Variants in ANTXR2 observed in about 807,000 individuals in gnomAD.
The protein encoded by ANTXR2 is anthrax toxin receptor 2.
A neutral mutation model predicts 73.7 loss-of-function variants in ANTXR2; 44 were observed. The ratio of observed to expected loss-of-function variants is 0.60; its 90% CI spans 0.47 to 0.77. The LOEUF is 0.77. Ranked by LOEUF, ANTXR2 falls within the 30% of genes least tolerant of loss-of-function variation. ANTXR2 has a pLI of 0.00. For missense variants in ANTXR2, 604 were observed against 592.5 expected, an observed-to-expected ratio of 1.02 and a Z score of -0.20; for synonymous variants, 217 against 205.9, an observed-to-expected ratio of 1.05 and a Z score of -0.46.
At chr4:79,907,573 G>C in intron 16 of ANTXR2, 106 bp from the exon 17 acceptor site, 1 of 1,256,034 alleles carries the variant, frequency 8.0e-7, no homozygotes, top group Non-Finnish European at 1.1e-6. Flanking sequence ...CCCAAGGAAA[G>C]TACCATGTTA....
At chr4:79,984,892 T>A (rs1730053202) in intron 12 of ANTXR2, 29 bp from the exon 13 acceptor site, 1 of 1,541,274 alleles carries the variant, frequency 6.5e-7, no homozygotes. Flanking sequence ...TATAAAAATT[T>A]CTATGGCATA....
At chr4:79,957,594 T>A (rs1034925811) in intron 16 of ANTXR2, among the ~76,000 whole-genome samples, 41 of 152,144 alleles carry the variant, frequency 2.7e-4, no homozygotes, top group African/African-American at 9.6e-4. Context: ...GTGTGCTCTA[T>A]ATTTTCATGA....
intron 12 of ANTXR2, among the ~76,000 whole-genome samples, chr4:79,989,564 C>A (rs1003683477): frequency 6.6e-6 from 1 of 151,980 alleles, no homozygotes; most frequent in South Asian, 2.1e-4. Flanking sequence ...TAGAGAAGAC[C>A]TGGTACCAAT....
chr4:80,025,195 A>T (rs1732369533), intron 10 of ANTXR2, among the ~76,000 whole-genome samples: 1 of 152,230 alleles, frequency 6.6e-6, no homozygotes. Flanking sequence ...GAAATTATTA[A>T]ATAGTACTAT....
chr4:79,955,405 G>A (rs1728851769), intron 16 of ANTXR2, among the ~76,000 whole-genome samples: 1 of 151,928 alleles, frequency 6.6e-6, no homozygotes, highest in Non-Finnish European at 1.5e-5. Context: ...TAGTCTTATA[G>A]TAACTTGTAA....
intron 7 of ANTXR2, among the ~76,000 whole-genome samples, chr4:80,038,522 A>G (rs1733088619): frequency 6.6e-6 from 1 of 152,100 alleles, no homozygotes; most frequent in Non-Finnish European, 1.5e-5. Context: ...ATGATTCAAC[A>G]ATTTATGTTC....
intron 7 of ANTXR2, among the ~76,000 whole-genome samples, chr4:80,040,243 TG>T (rs11295953): frequency 0.16 from 24,237 of 151,856 alleles, 2,904 homozygotes; most frequent in African/African-American, 0.34. Context: ...GTGACAAACC[TG>T]CACAACCTGC....
chr4:80,026,839 T>C lies in ANTXR2; in HGVS notation c.866+4784A>G, dbSNP rs115202386. Among the ~76,000 whole-genome samples the C allele has an allele frequency of 6.3e-3, 954 of 152,256 alleles. 5 individuals are homozygous for C. The highest frequency in any genetic ancestry group is 0.022 in the African/African-American group (897 of 41,548). On this transcript the variant is annotated intron_variant, in intron 10 of 16. Coordinates refer to ENST00000403729, the MANE Select transcript of ANTXR2 (RefSeq NM_058172.6). ...GTATCCTATTTAACATTCCCATACA[T>C]GGTGACATCTTATTAGCCACCCCTC...
At chr4:79,996,253 C>T (rs1385570519) in intron 12 of ANTXR2, among the ~76,000 whole-genome samples, 1 of 151,304 alleles carries the variant, frequency 6.6e-6, no homozygotes, top group East Asian at 2.0e-4. Flanking sequence ...GAAGAAAAAG[C>T]CTATGATTTG....
intron 12 of ANTXR2, among the ~76,000 whole-genome samples, chr4:79,997,554 T>C (rs1730788045): frequency 6.6e-6 from 1 of 151,950 alleles, no homozygotes; most frequent in South Asian, 2.1e-4. Context: ...GTCCTTCTTT[T>C]CTGAATCCCA....
intron 16 of ANTXR2, among the ~76,000 whole-genome samples, chr4:79,915,862 C>CTCTATATATATA (rs377006532): frequency 1.2e-4 from 15 of 123,880 alleles, no homozygotes; most frequent in East Asian, 6.8e-4. Flanking sequence ...CTCTCTCTCT[C>CTCTATATATATA]TATATATATA....
At chr4:79,917,030 C>A (rs1727381172) in intron 16 of ANTXR2, among the ~76,000 whole-genome samples, 1 of 152,128 alleles carries the variant, frequency 6.6e-6, no homozygotes, top group South Asian at 2.1e-4. Context: ...AAATGTTTGA[C>A]TTTTGAAAAA....
intron 16 of ANTXR2, among the ~76,000 whole-genome samples, chr4:79,935,114 T>C (rs925233128): frequency 3.3e-5 from 5 of 151,410 alleles, no homozygotes; most frequent in Admixed American, 2.6e-4. Context: ...AACTGAATAA[T>C]GCTGGCCTTT....
intron 3 of ANTXR2, among the ~76,000 whole-genome samples, chr4:80,067,875 T>G (rs1578199632): frequency 6.6e-6 from 1 of 152,314 alleles, no homozygotes; most frequent in South Asian, 2.1e-4. Context: ...AGCATCAGGA[T>G]AGATAGCTAA....
At chr4:80,049,702 T>C (rs779930066) in intron 7 of ANTXR2, among the ~76,000 whole-genome samples, 50 of 151,888 alleles carry the variant, frequency 3.3e-4, no homozygotes, top group Middle Eastern at 6.8e-3. Context: ...TTCTTAGTCA[T>C]TCATCTTAGT....
In ANTXR2 at chr4:80,072,716, C is replaced by CAGGG; in HGVS notation, c.-160_-157dup. On this transcript the variant is annotated 5_prime_UTR_variant, in exon 1 of 17. Transcript: ENST00000403729. ...TGCGGCAGCGGGACCCACCAGCTGACAGGGAGGGAGAGAGGGAGGTCCTGA... is the reference window on the plus strand; with the variant it reads ...TGCGGCAGCGGGACCCACCAGCTGACAGGGAGGGAGGGAGAGAGGGAGGTCCTGA... 2.2e-6 allele frequency: 3 copies of CAGGG among 1,349,084 alleles called. No individual in the cohort carries two copies. Among genetic ancestry groups the CAGGG allele is most frequent in the Non-Finnish European group, 2.8e-6 (3 of 1,055,856 alleles). 83.6% of individuals were successfully genotyped at this position (1,349,084 alleles called of 1,614,324 possible).
At chr4:79,953,276 T>C (rs191429751) in intron 16 of ANTXR2, among the ~76,000 whole-genome samples, 3 of 150,296 alleles carry the variant, frequency 2.0e-5, no homozygotes. Flanking sequence ...TGTAAGATGA[T>C]TTTGGGCACA....
chr4:80,071,534 A>T, intron 2 of ANTXR2, 49 bp downstream of exon 2: 1 of 1,465,028 alleles, frequency 6.8e-7, no homozygotes, highest in South Asian at 1.1e-5. Context: ...GAAATTCTAC[A>T]CTTTGCTCTA....
chr4:79,922,539 A>G (rs1402281801), intron 16 of ANTXR2, among the ~76,000 whole-genome samples: 2 of 152,292 alleles, frequency 1.3e-5, no homozygotes, highest in East Asian at 1.9e-4. Flanking sequence ...ACATACAAGC[A>G]TATAGATACA....
Sources: allele counts gnomAD v4.1 joint callset (sites outside exome capture counted in the v4.1 genomes callset), GRCh38; gene constraint gnomAD v4.1.1; transcripts MANE v1.5; gene names NCBI Gene and HGNC (gene_info 2026-07-23, HGNC 2026-07-21).